The following MS4A1 variants were observed in gnomAD, a reference collection of about 807,000 sequenced individuals.
The protein encoded by MS4A1 is membrane spanning 4-domains A1, also known as B-lymphocyte antigen CD20.
MS4A1 carries 16 observed loss-of-function variants against 26.5 expected under a neutral mutation model. That is an observed-to-expected ratio of 0.60 (90% CI 0.41 to 0.92). MS4A1 has a LOEUF of 0.92. Ranked by LOEUF, MS4A1 falls within the 40% of genes least tolerant of loss-of-function variation. The probability of loss-of-function intolerance (pLI) is 0.00; values close to 1 mark genes in which losing one functional copy is unlikely to be tolerated. For synonymous variants in MS4A1, 128 were observed against 117.6 expected, an observed-to-expected ratio of 1.09 and a Z score of -0.57; for missense variants, 350 against 353.0, an observed-to-expected ratio of 0.99 and a Z score of 0.07.
At position 60,468,114 on chromosome 11, in the gene MS4A1, T is replaced by C. The variant is rs1034482171; in HGVS notation, c.676-136T>C. On this transcript the variant is annotated intron_variant, in intron 7 of 7. Transcript: ENST00000345732. ...GGATATAAGCACCTGCAAAAAAATT[T>C]TGGCATTTAAAGGCATATAATAAAT... is the stretch of plus-strand genomic sequence containing the variant. 1.2e-5 allele frequency: 9 copies of C among 739,038 alleles called. No homozygotes were observed. In the African/African-American group the frequency reaches 1.6e-4, roughly 13 times the overall value. 45.8% of individuals were successfully genotyped at this position (739,038 alleles called of 1,614,324 possible).
In MS4A1 at chr11:60,468,282, A is replaced by G. The variant is rs1333517922; in HGVS notation, c.708A>G (p.Lys236=). ...NIVLLSAEEK[K]EQTIEIKEEV... ...TTCTCCTGTCAGCAGAAGAAAAAAA[A>G]GAACAGACTATTGAAATAAAAGAAG... Residue 236 remains lysine (K), a synonymous_variant, in exon 8 of 8, where the codon AAA becomes AAG. Transcript: ENST00000345732. The G allele has an allele frequency of 6.2e-7, 1 of 1,613,678 alleles. No homozygotes were observed. Among genetic ancestry groups the G allele is most frequent in the Non-Finnish European group, 8.5e-7 (1 of 1,179,808 alleles).
intron 3 of MS4A1, 91 bp downstream of exon 3, chr11:60,462,624 T>C (rs970646134): frequency 1.4e-5 from 21 of 1,545,880 alleles, no homozygotes; most frequent in Non-Finnish European, 1.9e-5. Context: ...TTCAATCCAA[T>C]TTGAAGAATT....
At chr11:60,459,793 A>G (rs1259627942) in intron 1 of MS4A1, among the ~76,000 whole-genome samples, 2 of 152,216 alleles carry the variant, frequency 1.3e-5, no homozygotes, top group Admixed American at 6.5e-5. Flanking sequence ...TGCGCCAGAC[A>G]GATAATACTT....
intron 1 of MS4A1, among the ~76,000 whole-genome samples, chr11:60,456,600 G>A (rs2086205617): frequency 6.6e-6 from 1 of 152,114 alleles, no homozygotes; most frequent in Non-Finnish European, 1.5e-5. Flanking sequence ...GTAAGAGGGG[G>A]CGCTGCAGAT....
chr11:60,461,117 A>G lies in MS4A1; in HGVS notation c.-234A>G, dbSNP rs2086243979. 1 of 151,888 alleles carries G rather than the reference A, an allele frequency of 6.6e-6. No individual in the cohort carries two copies. Among genetic ancestry groups the G allele is most frequent in the Non-Finnish European group, 1.5e-5 (1 of 68,030 alleles). 9.4% of individuals were successfully genotyped at this position (151,888 alleles called of 1,614,324 possible). Reference sequence around the variant, plus strand: ...AAATCTCTACTTTGATGGAACTTCCATTCTGTGGGGAAGAGACTGACAATA... The same window carrying G: ...AAATCTCTACTTTGATGGAACTTCCGTTCTGTGGGGAAGAGACTGACAATA... On this transcript the variant is annotated 5_prime_UTR_variant, in exon 2 of 8. Transcript: ENST00000345732.
In MS4A1 at chr11:60,464,303, T is replaced by C; in HGVS notation, c.295T>C (p.Ser99Pro). 6.2e-7 allele frequency: 1 copy of C among 1,600,090 alleles called. No individual in the cohort carries two copies. Among genetic ancestry groups the C allele is most frequent in the Non-Finnish European group, 8.5e-7 (1 of 1,171,676 alleles). ...TTTTTTACAGTATATTATTTCCGGA[T>C]CACTCCTGGCAGCAACGGAGAAAAA... is the stretch of plus-strand genomic sequence containing the variant. ...WGGIMYIISG[S>P]LLAATEKNSR... Residue 99 changes from serine to proline, a missense_variant, in exon 5 of 8, where the codon TCA becomes CCA. Physicochemically the swap from Ser to Pro is moderately conservative, Grantham distance 74. Transcript: ENST00000345732.
chr11:60,463,195 A>G, intron 4 of MS4A1, 74 bp downstream of exon 4: 1 of 1,589,852 alleles, frequency 6.3e-7, no homozygotes, highest in Non-Finnish European at 8.6e-7. Flanking sequence ...GGGATATGCC[A>G]GATTATTTCT....
Position 60,468,355 on chromosome 11 carries a change from G to C in MS4A1, c.781G>C (p.Asp261His). The change falls in exon 8 of 8, where the codon GAC (aspartate) becomes CAC (histidine). Residue 261 changes from aspartate (D) to histidine (H), a missense_variant. Physicochemically the swap from Asp to His is moderately conservative, Grantham distance 81 (BLOSUM62 -1). Coordinates refer to ENST00000345732, the MANE Select transcript of MS4A1 (RefSeq NM_152866.3). Reference protein sequence around the residue: ...ETSSQPKNEEDIEIIPIQEEE... With the variant: ...ETSSQPKNEEHIEIIPIQEEE... Reference sequence around the variant, plus strand: ...ATCTTCCCAACCAAAGAATGAAGAAGACATTGAAATTATTCCAATCCAAGA... The same window carrying C: ...ATCTTCCCAACCAAAGAATGAAGAACACATTGAAATTATTCCAATCCAAGA... 1 of 1,613,992 alleles carries C rather than the reference G, an allele frequency of 6.2e-7. No individual in the cohort carries two copies. Among genetic ancestry groups the C allele is most frequent in the Non-Finnish European group, 8.5e-7 (1 of 1,179,916 alleles).
Position 60,462,489 on chromosome 11 carries a change from G to A in MS4A1, c.115G>A (p.Gly39Ser), listed in dbSNP as rs1322248141. 32 of 1,614,022 alleles carry A rather than the reference G, an allele frequency of 2.0e-5. No homozygotes were observed. The highest frequency in any genetic ancestry group is 2.6e-5 in the Non-Finnish European group (31 of 1,180,030). The change falls in exon 3 of 8, where the codon GGC (glycine) becomes AGC (serine). Residue 39 changes from glycine to serine, a missense_variant. Physicochemically the swap from Gly to Ser is moderately conservative, Grantham distance 56 (BLOSUM62 0). Transcript: ENST00000345732. ...PLFRRMSSLVGPTQSFFMRES... is the reference protein window; with the variant it reads ...PLFRRMSSLVSPTQSFFMRES... ...CTTCAGGAGGATGTCTTCACTGGTG[G>A]GCCCCACGCAAAGCTTCTTCATGAG...
At position 60,462,385 on chromosome 11, in the gene MS4A1, C is replaced by T; in HGVS notation, c.11C>T (p.Pro4Leu). 1 of 1,614,048 alleles carries T rather than the reference C, an allele frequency of 6.2e-7. No individual in the cohort carries two copies. The highest frequency in any genetic ancestry group is 8.5e-7 in the Non-Finnish European group (1 of 1,180,010). ...AGTTTTGAGAGCAAAATGACAACAC[C>T]CAGAAATTCAGTAAATGGGACTTTC... MTTPRNSVNGTFPA... is the reference protein window; with the variant it reads MTTLRNSVNGTFPA... The change falls in exon 3 of 8, where the codon CCC (proline) becomes CTC (leucine). Residue 4 changes from proline (P) to leucine (L), a missense_variant. Coordinates refer to ENST00000345732, the MANE Select transcript of MS4A1 (RefSeq NM_152866.3).
At chr11:60,467,504 G>A (rs535390816) in intron 7 of MS4A1, among the ~76,000 whole-genome samples, 1 of 151,910 alleles carries the variant, frequency 6.6e-6, no homozygotes, top group African/African-American at 2.4e-5. Flanking sequence ...TTGAACTCCC[G>A]ACCTCAGGTG....
In MS4A1 at chr11:60,467,045, C is replaced by T. The variant is rs762818133; in HGVS notation, c.660C>T (p.Cys220=). 1.2e-5 allele frequency: 19 copies of T among 1,614,074 alleles called. No individual in the cohort carries two copies. Among genetic ancestry groups the T allele is most frequent in the Non-Finnish European group, 1.4e-5 (17 of 1,179,952 alleles). ...TTGAGAATGAATGGAAAAGAACGTG[C>T]TCCAGACCCAAATCTGTAAGTAGTA... is the stretch of plus-strand genomic sequence containing the variant. The part of the protein sequence containing the change: ...GIVENEWKRT[C]SRPKSNIVLL... Residue 220 remains cysteine (C), a synonymous_variant, in exon 7 of 8, where the codon TGC becomes TGT. Coordinates refer to ENST00000345732, the MANE Select transcript of MS4A1 (RefSeq NM_152866.3).
At chr11:60,467,181 AT>A in intron 7 of MS4A1, 121 bp downstream of exon 7, 8 of 834,644 alleles carry the variant, frequency 9.6e-6, no homozygotes, top group Middle Eastern at 4.5e-4. Flanking sequence ...AAAAAAAAAA[AT>A]TGGTCTTGGC....
In MS4A1 at chr11:60,468,972, A is replaced by G. The variant is rs1462681234; in HGVS notation, c.*504A>G. The G allele has an allele frequency of 3.8e-5, 6 of 159,896 alleles. No homozygotes were observed. Among genetic ancestry groups the G allele is most frequent in the East Asian group, 1.8e-4 (1 of 5,548 alleles). The allele number at this position is 159,896 out of a possible 1,614,324, so 9.9% of individuals were successfully genotyped here. On this transcript the variant is annotated 3_prime_UTR_variant, in exon 8 of 8. Transcript: ENST00000345732. The stretch of plus-strand genomic sequence containing the variant: ...GGACAATACAGAACCCATTCCATTT[A>G]TCTTTCTACAGGGCTGACATTGTGG...
Position 60,467,007 on chromosome 11 carries a change from A to G in MS4A1, c.622A>G (p.Ile208Val). ...CTTTGCCTTCTTCCAGGAACTTGTAATAGCTGGCATCGTTGAGAATGAATG... is the reference window on the plus strand; with the variant it reads ...CTTTGCCTTCTTCCAGGAACTTGTAGTAGCTGGCATCGTTGAGAATGAATG... ...LIFAFFQELV[I>V]AGIVENEWKR... The change falls in exon 7 of 8, where the codon ATA becomes GTA. Residue 208 changes from isoleucine to valine, a missense_variant. Physicochemically the swap from Ile to Val is conservative, Grantham distance 29 (BLOSUM62 3). Transcript: ENST00000345732. The G allele has an allele frequency of 6.2e-7, 1 of 1,614,112 alleles. No homozygotes were observed. The highest frequency in any genetic ancestry group is 8.5e-7 in the Non-Finnish European group (1 of 1,180,014).
chr11:60,467,930 A>T (rs917210450), intron 7 of MS4A1, among the ~76,000 whole-genome samples: 1 of 152,220 alleles, frequency 6.6e-6, no homozygotes, highest in Non-Finnish European at 1.5e-5. Context: ...ATTCTCCCAG[A>T]GTTATATTCA....
At chr11:60,459,901 A>C (rs995974547) in intron 1 of MS4A1, among the ~76,000 whole-genome samples, 1 of 152,168 alleles carries the variant, frequency 6.6e-6, no homozygotes, top group African/African-American at 2.4e-5. Context: ...ACAGGAGACA[A>C]AGCAGCCTGG....
In MS4A1 at chr11:60,468,154, A is replaced by G. The variant is rs1452569784; in HGVS notation, c.676-96A>G. 4 of 1,176,180 alleles carry G rather than the reference A, an allele frequency of 3.4e-6. No homozygotes were observed. In the Admixed American group the frequency reaches 8.8e-5, roughly 26 times the overall value. 72.9% of individuals were successfully genotyped at this position (1,176,180 alleles called of 1,614,324 possible). A position where few individuals can be genotyped will look rare whatever the true frequency, so the allele number is the denominator to read the frequency against. On this transcript the variant is annotated intron_variant, in intron 7 of 7. Transcript: ENST00000345732. ...ATATAATAAATGACATAAGTAGCAT[A>G]AAAACCAGGAGGTATTTGATAAATG...
chr11:60,466,532 G>A (rs904457295), intron 6 of MS4A1: 4 of 325,964 alleles, frequency 1.2e-5, no homozygotes, highest in Non-Finnish European at 2.3e-5. Flanking sequence ...TTCCTAAGAT[G>A]TTATGAATAT....
Sources: allele counts gnomAD v4.1 joint callset (sites outside exome capture counted in the v4.1 genomes callset), GRCh38; gene constraint gnomAD v4.1.1; transcripts MANE v1.5; gene names NCBI Gene and HGNC (gene_info 2026-07-23, HGNC 2026-07-21).